The following ABCA10 variants were observed in gnomAD, a reference collection of about 807,000 sequenced individuals.
ABCA10 encodes the protein ATP-binding cassette sub-family A member 10.
In ABCA10, 169 loss-of-function variants were observed where a neutral mutation model predicts 187.5. The ratio of observed to expected loss-of-function variants is 0.90; its 90% confidence interval spans 0.80 to 1.02. The LOEUF (loss-of-function observed/expected upper bound fraction) is 1.02. Ranked by LOEUF, ABCA10 falls within the 50% of genes least tolerant of loss-of-function variation. The probability of loss-of-function intolerance (pLI) is 0.00; values close to 1 mark genes in which losing one functional copy is unlikely to be tolerated. For synonymous variants in ABCA10, 574 were observed against 601.8 expected, an observed-to-expected ratio of 0.95 and a Z score of 0.68; for missense variants, 1,727 against 1,812.4, an observed-to-expected ratio of 0.95 and a Z score of 0.86.
At chr17:69,230,155 T>C (rs1479359599), upstream of ABCA10, among the ~76,000 whole-genome samples, 1 of 152,042 alleles carries the variant, frequency 6.6e-6, no homozygotes, top group Non-Finnish European at 1.5e-5. Flanking sequence ...ATGCACATGC[T>C]TCCACCTTTC....
chr17:69,197,283 G>C (rs890751660), intron 10 of ABCA10, among the ~76,000 whole-genome samples, 161 bp from the exon 11 acceptor site: 1 of 151,648 alleles, frequency 6.6e-6, no homozygotes, highest in African/African-American at 2.4e-5. Flanking sequence ...ACTCCCAAAA[G>C]AGATTTACAC....
rs747265320 is a variant in ABCA10, at chr17:69,191,176, C to G, written c.2011G>C (p.Asp671His). The change falls in exon 17 of 39, where the codon GAT (aspartate) becomes CAT (histidine). Residue 671 changes from aspartate to histidine, a missense_variant and splice_region_variant. Physicochemically the swap from Asp to His is moderately conservative, Grantham distance 81. Transcript: ENST00000690296. ...LPLEKTNKFP[D>H]LYSDLDKCSD... is the part of the protein sequence containing the mutation. ...TCTATGTGATTACACAGTAAGTTAC[C>G]TGGAAATTTGTTCGTTTTTTCCAAA... 77 of 1,588,802 alleles carry G rather than the reference C, an allele frequency of 4.8e-5. No individual in the cohort carries two copies. Among genetic ancestry groups the G allele is most frequent in the Non-Finnish European group, 6.0e-5 (70 of 1,166,368 alleles).
intron 9 of ABCA10, 130 bp downstream of exon 9, chr17:69,214,574 T>A: frequency 1.2e-6 from 1 of 801,932 alleles, no homozygotes; most frequent in East Asian, 3.3e-5. Context: ...ATGAGGAAAT[T>A]CTATTGTTTT....
chr17:69,200,940 T>C (rs1016661430), intron 10 of ABCA10, among the ~76,000 whole-genome samples: 4 of 152,206 alleles, frequency 2.6e-5, no homozygotes, highest in Non-Finnish European at 5.9e-5. Context: ...CTCAAACTCC[T>C]GAGCTCAAGT....
In ABCA10 at chr17:69,187,784, T is replaced by C. The variant is rs182459474; in HGVS notation, c.2227A>G (p.Arg743Gly). 1.2e-6 allele frequency: 2 copies of C among 1,613,972 alleles called. No individual in the cohort carries two copies. Among genetic ancestry groups the C allele is most frequent in the Non-Finnish European group, 8.5e-7 (1 of 1,179,832 alleles). The change falls in exon 19 of 39, where the codon AGA becomes GGA. Residue 743 changes from arginine (R) to glycine (G), a missense_variant. Transcript: ENST00000690296. ...AGAGCTGCACTACTGACAGCCTTTC[T>C]TGTTTCAGGAAGAGAACAAAGAACC... ...EQVLCSLPET[R>G]KAVSSAALWR...
chr17:69,153,209 T>A (rs2074143528), intron 34 of ABCA10, 96 bp downstream of exon 34: 2 of 1,448,412 alleles, frequency 1.4e-6, no homozygotes, highest in Admixed American at 4.6e-5. Flanking sequence ...CAAAGGTTAA[T>A]GGAGCAAAAT....
In ABCA10 at chr17:69,148,540, C is replaced by T. The variant is rs561170697; in HGVS notation, c.*287G>A. ...CAGTGTTAGCTTTATTGATAATAACCGATAACCAACCTAATATTGTATGAT... is the reference window on the plus strand; with the variant it reads ...CAGTGTTAGCTTTATTGATAATAACTGATAACCAACCTAATATTGTATGAT... On this transcript the variant is annotated 3_prime_UTR_variant, in exon 39 of 39. Transcript: ENST00000690296. The T allele has an allele frequency of 1.0e-4, 25 of 239,146 alleles. No individual in the cohort carries two copies. The South Asian group carries it at 1.2e-3, about 12-fold the overall frequency. The allele number at this position is 239,146 out of a possible 1,614,324, so 14.8% of individuals were successfully genotyped here. A position where few individuals can be genotyped will look rare whatever the true frequency, so the allele number is the denominator to read the frequency against.
At chr17:69,227,733 C>A (rs865799851) in intron 1 of ABCA10, among the ~76,000 whole-genome samples, 10 of 152,066 alleles carry the variant, frequency 6.6e-5, no homozygotes, top group Middle Eastern at 3.4e-3. Flanking sequence ...TTTTGAATTG[C>A]ACATCTGGGC....
intron 3 of ABCA10, among the ~76,000 whole-genome samples, chr17:69,224,877 C>G (rs1018798627): frequency 2.6e-5 from 4 of 151,916 alleles, no homozygotes; most frequent in Non-Finnish European, 5.9e-5. Context: ...ATTTCAAACA[C>G]CTTTGATTTA....
intron 9 of ABCA10, among the ~76,000 whole-genome samples, chr17:69,204,806 T>G (rs2074578691): frequency 1.3e-5 from 2 of 152,228 alleles, no homozygotes; most frequent in South Asian, 4.1e-4. Flanking sequence ...TAATCTGGTC[T>G]AAAAATAAAG....
chr17:69,233,767 A>G (rs771753377), upstream of ABCA10: 3 of 152,256 alleles, frequency 2.0e-5, no homozygotes, highest in Non-Finnish European at 2.9e-5. Context: ...GCCCAAGACC[A>G]GTACAGCTGT....
intron 25 of ABCA10, among the ~76,000 whole-genome samples, chr17:69,166,858 C>A (rs1209752193): frequency 6.6e-6 from 1 of 152,042 alleles, no homozygotes; most frequent in Admixed American, 6.6e-5. Flanking sequence ...AAAAGTGCCA[C>A]AAAGGACACT....
rs755138842 is a variant in ABCA10, at chr17:69,174,737, G to A, written c.2918C>T (p.Pro973Leu). 1 of 1,603,008 alleles carries A rather than the reference G, an allele frequency of 6.2e-7. No homozygotes were observed. The highest frequency in any genetic ancestry group is 1.1e-5 in the South Asian group (1 of 88,496). ...QSQLWISGLW[P>L]SAYWCGQALV... ...AGCCTGTCCACACCAGTATGCTGAA[G>A]GCCAGAGGCCTGAAATCCATAACTG... is the stretch of plus-strand genomic sequence containing the variant. The change falls in exon 24 of 39, where the codon CCT becomes CTT. Residue 973 changes from proline to leucine, a missense_variant. Transcript: ENST00000690296.
Position 69,150,067 on chromosome 17 carries a change from T to C in ABCA10, c.4398-4A>G. ...ATACGCCATTAAAGAGGAATATCTGTCAGGAAGAAGAGTGAGATTTATTAC... is the reference window on the plus strand; with the variant it reads ...ATACGCCATTAAAGAGGAATATCTGCCAGGAAGAAGAGTGAGATTTATTAC... On this transcript the variant is annotated splice_region_variant and splice_polypyrimidine_tract_variant and intron_variant, in intron 36 of 38. Coordinates refer to ENST00000690296, the MANE Select transcript of ABCA10 (RefSeq NM_001377321.1). The C allele has an allele frequency of 6.2e-7, 1 of 1,605,768 alleles. No homozygotes were observed. Among genetic ancestry groups the C allele is most frequent in the Non-Finnish European group, 8.5e-7 (1 of 1,173,812 alleles).
At chr17:69,152,571 G>A in intron 34 of ABCA10, 90 bp from the exon 35 acceptor site, 1 of 1,504,198 alleles carries the variant, frequency 6.6e-7, no homozygotes, top group South Asian at 1.4e-5. Context: ...AAGAGAAAAT[G>A]TTATGTTAGG....
chr17:69,223,000 T>C (rs1001456533), intron 3 of ABCA10, among the ~76,000 whole-genome samples: 1 of 149,480 alleles, frequency 6.7e-6, no homozygotes, highest in African/African-American at 2.5e-5. Context: ...ACTCTATATA[T>C]GACCATGTGC....
chr17:69,157,049 T>A, intron 27 of ABCA10, 126 bp from the exon 28 acceptor site: 1 of 572,132 alleles, frequency 1.7e-6, no homozygotes, highest in Non-Finnish European at 2.8e-6. Flanking sequence ...CATTTTCTTT[T>A]AAATTTGACA....
intron 2 of ABCA10, among the ~76,000 whole-genome samples, chr17:69,226,181 T>G (rs545873433): frequency 1.3e-5 from 2 of 152,126 alleles, no homozygotes; most frequent in South Asian, 2.1e-4. Flanking sequence ...ATTTAGCCAT[T>G]ACATATATTT....
At chr17:69,237,159 T>C (rs2074877011) in intron 1 of ABCA10, among the ~76,000 whole-genome samples, 1 of 152,210 alleles carries the variant, frequency 6.6e-6, no homozygotes, top group Non-Finnish European at 1.5e-5. Context: ...TCGACAAGTC[T>C]TACGTTCTAT....
Sources: allele counts gnomAD v4.1 joint callset (sites outside exome capture counted in the v4.1 genomes callset), GRCh38; gene constraint gnomAD v4.1.1; transcripts MANE v1.5; gene names NCBI Gene and HGNC (gene_info 2026-07-23, HGNC 2026-07-21).